Variants in EYS observed in about 807,000 individuals in gnomAD.
EYS encodes the protein EGF-like photoreceptor maintenance factor.
A neutral mutation model predicts 282.1 loss-of-function variants in EYS; 250 were observed. The ratio of observed to expected loss-of-function variants is 0.89; its 90% CI spans 0.80 to 0.98. The LOEUF is 0.98. Ranked by LOEUF, EYS falls within the 50% of genes least tolerant of loss-of-function variation. The probability of loss-of-function intolerance (pLI) is 0.00; values close to 1 mark genes in which losing one functional copy is unlikely to be tolerated. For synonymous variants in EYS, 1,355 were observed against 1,282.9 expected (o/e 1.06, Z -1.20); for missense variants, 4,016 against 3,709.0 (o/e 1.08, Z -2.15).
intron 13 of EYS, among the ~76,000 whole-genome samples, chr6:65,012,662 A>G (rs965630958): frequency 6.6e-6 from 1 of 151,140 alleles, no homozygotes; most frequent in Non-Finnish European, 1.5e-5. Context: ...CACAAGAAAA[A>G]TAGTAAGGGG....
intron 12 of EYS, among the ~76,000 whole-genome samples, chr6:65,073,134 A>G (rs750934206): frequency 4.0e-5 from 6 of 151,806 alleles, no homozygotes; most frequent in Non-Finnish European, 7.4e-5. Context: ...ATTTCAATGA[A>G]AAACTAATAC....
intron 33 of EYS, among the ~76,000 whole-genome samples, chr6:64,053,710 A>G (rs1770889280): frequency 6.6e-6 from 1 of 152,180 alleles, no homozygotes; most frequent in South Asian, 2.1e-4. Context: ...AGTGATAGCT[A>G]TTTTATCATT....
At chr6:64,354,753 G>A (rs563532855) in intron 29 of EYS, among the ~76,000 whole-genome samples, 2 of 151,554 alleles carry the variant, frequency 1.3e-5, no homozygotes, top group South Asian at 2.1e-4. Flanking sequence ...CTATTAAAAT[G>A]TGCATATGTA....
At chr6:64,418,491 A>C (rs528497007) in intron 28 of EYS, among the ~76,000 whole-genome samples, 1 of 152,212 alleles carries the variant, frequency 6.6e-6, no homozygotes, top group East Asian at 1.9e-4. Flanking sequence ...ACCAGGCAAA[A>C]TAGGTCTATT....
At chr6:65,650,310 C>T (rs1157746290) in intron 1 of EYS, among the ~76,000 whole-genome samples, 1 of 152,110 alleles carries the variant, frequency 6.6e-6, no homozygotes, top group Non-Finnish European at 1.5e-5. Context: ...ACAATGCTCT[C>T]TTTGAGGTCT....
chr6:65,215,303 G>A (rs1459988891), intron 12 of EYS, among the ~76,000 whole-genome samples: 2 of 152,042 alleles, frequency 1.3e-5, no homozygotes, highest in African/African-American at 4.8e-5. Flanking sequence ...TTTAAAAGAG[G>A]TTAATTTCAA....
chr6:64,884,687 G>T (rs944935052), intron 19 of EYS, among the ~76,000 whole-genome samples: 3 of 151,592 alleles, frequency 2.0e-5, no homozygotes, highest in Non-Finnish European at 3.0e-5. Context: ...TGTCAAAAGA[G>T]TATGTACAGA....
intron 33 of EYS, among the ~76,000 whole-genome samples, chr6:64,015,790 C>T (rs1474008708): frequency 6.6e-6 from 1 of 152,156 alleles, no homozygotes; most frequent in African/African-American, 2.4e-5. Context: ...GCACCTGCAT[C>T]AGCAGCATAG....
chr6:64,015,335 G>A (rs1217925295), intron 33 of EYS, among the ~76,000 whole-genome samples: 2 of 152,092 alleles, frequency 1.3e-5, no homozygotes, highest in Non-Finnish European at 2.9e-5. Flanking sequence ...TGAATGTTTT[G>A]TACTGCTTTA....
intron 8 of EYS, among the ~76,000 whole-genome samples, chr6:65,371,076 T>C (rs1198891593): frequency 1.3e-5 from 2 of 151,806 alleles, no homozygotes; most frequent in Non-Finnish European, 2.9e-5. Context: ...GTTCTCCTTC[T>C]CCATGAGTTC....
intron 26 of EYS, among the ~76,000 whole-genome samples, chr6:64,488,856 A>G (rs1270259301): frequency 6.6e-6 from 1 of 150,962 alleles, no homozygotes; most frequent in Non-Finnish European, 1.5e-5. Flanking sequence ...ATAGGAGAAT[A>G]AAATCCAGAG....
At chr6:64,559,197 C>T (rs930772777) in intron 26 of EYS, among the ~76,000 whole-genome samples, 2 of 151,416 alleles carry the variant, frequency 1.3e-5, no homozygotes, top group Non-Finnish European at 2.9e-5. Flanking sequence ...TATTTATCTA[C>T]CTTAACATTT....
At chr6:65,111,175 G>A (rs1775203742) in intron 12 of EYS, among the ~76,000 whole-genome samples, 1 of 151,996 alleles carries the variant, frequency 6.6e-6, no homozygotes, top group South Asian at 2.1e-4. Flanking sequence ...TTTAGCCATT[G>A]TTGAGTTTGG....
chr6:65,155,306 T>C (rs1399157569), intron 12 of EYS, among the ~76,000 whole-genome samples: 5 of 151,478 alleles, frequency 3.3e-5, no homozygotes, highest in African/African-American at 7.3e-5. Flanking sequence ...TGGAATTAGA[T>C]GAAAAGAAGA....
Position 65,371,740 on chromosome 6 carries a change from T to C in EYS, c.1299+12646A>G, listed in dbSNP as rs1392160011. ...CTCTCTCTCTCTCTCTCTCTCTCTC[T>C]CTGTGTGTGTGTGTGTGTGTGTGTG... is the stretch of plus-strand genomic sequence containing the variant. On this transcript the variant is annotated intron_variant, in intron 8 of 42. Coordinates refer to ENST00000503581, the MANE Select transcript of EYS (RefSeq NM_001142800.2). Among the ~76,000 whole-genome samples the C allele has an allele frequency of 1.3e-4, 5 of 38,572 alleles. No individual in the cohort carries two copies. In the Admixed American group the frequency reaches 1.5e-3, roughly 12 times the overall value. 25.3% of individuals were successfully genotyped at this position (38,572 alleles called of 152,430 possible).
intron 30 of EYS, among the ~76,000 whole-genome samples, chr6:64,234,303 A>G (rs1766517663): frequency 6.6e-6 from 1 of 152,058 alleles, no homozygotes; most frequent in African/African-American, 2.4e-5. Context: ...CACATACTTC[A>G]TTCCACTTTG....
intron 5 of EYS, among the ~76,000 whole-genome samples, chr6:65,478,267 A>C (rs1239205992): frequency 2.0e-5 from 3 of 152,140 alleles, no homozygotes; most frequent in African/African-American, 7.2e-5. Flanking sequence ...AGTTGATTAG[A>C]GCAAACGACT....
intron 31 of EYS, among the ~76,000 whole-genome samples, chr6:64,190,423 G>A (rs1239072581): frequency 6.6e-6 from 1 of 152,166 alleles, no homozygotes; most frequent in Non-Finnish European, 1.5e-5. Context: ...TTAGGATGTA[G>A]CACAGTATGG....
intron 26 of EYS, among the ~76,000 whole-genome samples, chr6:64,536,425 A>T (rs1764520332): frequency 6.6e-6 from 1 of 152,218 alleles, no homozygotes; most frequent in South Asian, 2.1e-4. Flanking sequence ...CATTATGACG[A>T]CAATTACAGG....
Sources: allele counts gnomAD v4.1 joint callset (sites outside exome capture counted in the v4.1 genomes callset), GRCh38; gene constraint gnomAD v4.1.1; transcripts MANE v1.5; gene names NCBI Gene and HGNC (gene_info 2026-07-23, HGNC 2026-07-21).